EPM2A: variants seen among roughly 807,000 people sequenced by gnomAD.
EPM2A encodes laforin.
Under a neutral mutation model 26.5 loss-of-function variants are expected in EPM2A, and 21 were observed. The ratio of observed to expected loss-of-function variants is 0.79; its 90% CI spans 0.56 to 1.14. The LOEUF (loss-of-function observed/expected upper bound fraction) is 1.14, where lower values mean the gene tolerates loss of function less well. Ranked by LOEUF, EPM2A falls within the 50% of genes most tolerant of loss-of-function variation. The pLI is 0.00. For synonymous variants in EPM2A, 217 were observed against 177.6 expected (o/e 1.22, Z -1.76); for missense variants, 458 against 440.8 (o/e 1.04, Z -0.35).
chr6:145,418,096 CTG>C (rs1040058107), intron 4 of EPM2A, among the ~76,000 whole-genome samples: 1 of 152,196 alleles, frequency 6.6e-6, no homozygotes, highest in African/African-American at 2.4e-5. Context: ...GGGGAAAAGT[CTG>C]TAGTCACCTG....
intron 2 of EPM2A, among the ~76,000 whole-genome samples, chr6:145,536,282 G>T (rs12211165): frequency 1.3e-4 from 18 of 137,686 alleles, no homozygotes; most frequent in African/African-American, 3.2e-4. Flanking sequence ...TTTTTGTTTT[G>T]GTTTTTGGTT....
chr6:145,465,867 G>C (rs530431598), intron 4 of EPM2A, among the ~76,000 whole-genome samples: 142 of 152,114 alleles, frequency 9.3e-4, no homozygotes, highest in African/African-American at 3.2e-3. Flanking sequence ...TGACAAACCT[G>C]AGAAAAACAA....
chr6:145,399,190 T>C (rs1778448910), intron 4 of EPM2A, among the ~76,000 whole-genome samples: 3 of 152,142 alleles, frequency 2.0e-5, no homozygotes, highest in African/African-American at 4.8e-5. Context: ...AGGTGACTCA[T>C]GGTTTAATTT....
chr6:145,516,432 G>A (rs990172841), intron 2 of EPM2A, among the ~76,000 whole-genome samples: 2 of 152,152 alleles, frequency 1.3e-5, no homozygotes, highest in African/African-American at 4.8e-5. Flanking sequence ...AATGCCTAGT[G>A]ATTAAATTAG....
At chr6:145,498,219 C>T (rs1245391499), downstream of EPM2A, among the ~76,000 whole-genome samples, 1 of 152,208 alleles carries the variant, frequency 6.6e-6, no homozygotes, top group Non-Finnish European at 1.5e-5. Context: ...ACCAACCTGT[C>T]CTGGGAAGGC....
intron 4 of EPM2A, among the ~76,000 whole-genome samples, chr6:145,475,169 C>G (rs143032604): frequency 0.016 from 2,470 of 152,226 alleles, 61 homozygotes; most frequent in African/African-American, 0.056. Context: ...CACATGCACA[C>G]ATATGTTTTT....
chr6:145,399,840 C>A (rs534972037), intron 4 of EPM2A, among the ~76,000 whole-genome samples: 39 of 152,244 alleles, frequency 2.6e-4, no homozygotes, highest in African/African-American at 8.7e-4. Flanking sequence ...CCTCAATAAT[C>A]TTTTTGGCTA....
At chr6:145,730,101 G>A (rs193117232) in intron 1 of EPM2A, among the ~76,000 whole-genome samples, 16 of 152,180 alleles carry the variant, frequency 1.1e-4, no homozygotes, top group Non-Finnish European at 2.1e-4. Flanking sequence ...TTCGTTTCCT[G>A]AGGTCTCCCC....
At chr6:145,397,909 T>G (rs1285031484) in intron 4 of EPM2A, among the ~76,000 whole-genome samples, 33 of 152,156 alleles carry the variant, frequency 2.2e-4, no homozygotes, top group Admixed American at 2.1e-3. Context: ...ACAGTGAACT[T>G]CATAACACTC....
chr6:145,655,531 G>A (rs1342861122), intron 2 of EPM2A, among the ~76,000 whole-genome samples: 1 of 151,924 alleles, frequency 6.6e-6, no homozygotes, highest in Non-Finnish European at 1.5e-5. Flanking sequence ...TATTTGAAAG[G>A]CAGAAGCTGT....
intron 2 of EPM2A, among the ~76,000 whole-genome samples, chr6:145,522,566 A>G (rs75122016): frequency 0.022 from 3,403 of 152,262 alleles, 46 homozygotes; most frequent in Admixed American, 0.031. Flanking sequence ...CTCTTTCTCC[A>G]GTTTCACTCC....
At chr6:145,697,939 A>T (rs529168441) in intron 1 of EPM2A, among the ~76,000 whole-genome samples, 2 of 152,180 alleles carry the variant, frequency 1.3e-5, no homozygotes, top group Non-Finnish European at 2.9e-5. Context: ...AGATGATGGG[A>T]TTAAGAAAGT....
intron 4 of EPM2A, among the ~76,000 whole-genome samples, chr6:145,462,548 A>C (rs1779339294): frequency 6.6e-6 from 1 of 152,192 alleles, no homozygotes; most frequent in African/African-American, 2.4e-5. Context: ...AACTAATTAA[A>C]AGCAATGAAT....
chr6:145,448,979 A>G (rs968834433), intron 4 of EPM2A, among the ~76,000 whole-genome samples: 1 of 152,198 alleles, frequency 6.6e-6, no homozygotes, highest in Admixed American at 6.5e-5. Flanking sequence ...AAATGTAAGT[A>G]GCAAAGCTTT....
At chr6:145,723,410 G>C (rs145953907) in intron 1 of EPM2A, among the ~76,000 whole-genome samples, 2 of 152,078 alleles carry the variant, frequency 1.3e-5, no homozygotes, top group Admixed American at 6.6e-5. Flanking sequence ...ATATAATTTA[G>C]ACTATATACA....
chr6:145,494,096 G>T (rs1244127797), intron 4 of EPM2A, among the ~76,000 whole-genome samples: 1 of 152,196 alleles, frequency 6.6e-6, no homozygotes, highest in Non-Finnish European at 1.5e-5. Context: ...GAATTCAGCT[G>T]ACAATCTGTC....
chr6:145,644,261 T>C (rs1777295086), intron 2 of EPM2A, among the ~76,000 whole-genome samples: 1 of 152,148 alleles, frequency 6.6e-6, no homozygotes, highest in African/African-American at 2.4e-5. Flanking sequence ...CTACTAACTA[T>C]AGATGATTTT....
intron 1 of EPM2A, among the ~76,000 whole-genome samples, chr6:145,689,949 G>A (rs1781167385): frequency 6.6e-6 from 1 of 152,168 alleles, no homozygotes; most frequent in Non-Finnish European, 1.5e-5. Flanking sequence ...TGACCTAGTG[G>A]AAAGTCAAGA....
intron 4 of EPM2A, among the ~76,000 whole-genome samples, chr6:145,472,410 G>A (rs530799343): frequency 1.3e-5 from 2 of 151,788 alleles, no homozygotes; most frequent in African/African-American, 4.9e-5. Context: ...ACTTTGTTTT[G>A]CACCTTAGGT....
Sources: allele counts gnomAD v4.1 joint callset (sites outside exome capture counted in the v4.1 genomes callset), GRCh38; gene constraint gnomAD v4.1.1; transcripts MANE v1.5; gene names NCBI Gene and HGNC (gene_info 2026-07-23, HGNC 2026-07-21).